PPTC7: variants seen among roughly 807,000 people sequenced by gnomAD.
The protein encoded by PPTC7 is protein phosphatase targeting COQ7, also known as protein phosphatase PTC7 homolog.
PPTC7 carries 6 observed loss-of-function variants against 30.8 expected under a neutral mutation model. The ratio of observed to expected loss-of-function variants is 0.19; its 90% CI spans 0.11 to 0.38. PPTC7 has a LOEUF of 0.38. PPTC7 is among the 10% of genes least tolerant of loss of function. PPTC7 has a pLI of 1.00. For synonymous variants in PPTC7, 163 were observed against 168.1 expected (o/e 0.97, Z 0.23); for missense variants, 218 against 404.8 (o/e 0.54, Z 3.96).
At chr12:110,569,520 A>G (rs559714187) in intron 1 of PPTC7, among the ~76,000 whole-genome samples, 79 of 152,306 alleles carry the variant, frequency 5.2e-4, no homozygotes, top group Non-Finnish European at 4.4e-5. Context: ...AATGAGGGGC[A>G]GGAAGACACA....
At chr12:110,573,748 G>A (rs565895919) in intron 1 of PPTC7, among the ~76,000 whole-genome samples, 5 of 152,022 alleles carry the variant, frequency 3.3e-5, no homozygotes, top group East Asian at 3.9e-4. Flanking sequence ...TTGGGAGGCC[G>A]AGGCGGGCAG....
rs2135789261 is a variant in PPTC7 at position 110,569,122 on chromosome 12, C to G, written c.223+13687G>C. Among the ~76,000 whole-genome samples, 3 of 149,724 alleles carry G rather than the reference C, an allele frequency of 2.0e-5. No individual in the cohort carries two copies. The Middle Eastern group carries it at 0.01, about 524-fold the overall frequency. ...CCAAGGTGGACAGATCACTTGAGGT[C>G]TGGAGTTCAAGACCAGCCTGGCCAA... is the stretch of plus-strand genomic sequence containing the variant. On this transcript the variant is annotated intron_variant, in intron 1 of 5. Coordinates refer to ENST00000354300, the MANE Select transcript of PPTC7 (RefSeq NM_139283.2).
rs1257269209 is a variant in PPTC7, at chr12:110,538,136, ATGCT to A, written c.856+4_856+7del. On this transcript the variant is annotated splice_donor_5th_base_variant and intron_variant, in intron 5 of 5. Coordinates refer to ENST00000354300, the MANE Select transcript of PPTC7 (RefSeq NM_139283.2). Reference sequence around the variant, plus strand: ...TCAGTCCCTATGACCTTCCCAAAGAATGCTTACCTCTCACATTCAATCCATTGTC... The same window carrying A: ...TCAGTCCCTATGACCTTCCCAAAGAATACCTCTCACATTCAATCCATTGTC... 1 of 1,613,742 alleles carries A rather than the reference ATGCT, an allele frequency of 6.2e-7. No individual in the cohort carries two copies. The highest frequency in any genetic ancestry group is 8.5e-7 in the Non-Finnish European group (1 of 1,179,862).
Position 110,566,128 on chromosome 12 carries a change from C to T in PPTC7, c.224-14160G>A, listed in dbSNP as rs546551605. Reference sequence around the variant, plus strand: ...CCAGGAACCTCTCACCATTAATCAGCGCAAACAATGCAGTGCAGAGCTTAC... The same window carrying T: ...CCAGGAACCTCTCACCATTAATCAGTGCAAACAATGCAGTGCAGAGCTTAC... On this transcript the variant is annotated intron_variant, in intron 1 of 5. Coordinates refer to ENST00000354300, the MANE Select transcript of PPTC7 (RefSeq NM_139283.2). 4.0e-5 allele frequency among the ~76,000 whole-genome samples: 6 copies of T among 149,552 alleles called. No homozygotes were observed. In the East Asian group the frequency reaches 7.9e-4, roughly 20 times the overall value.
chr12:110,550,322 C>T (rs2064340981), intron 2 of PPTC7, among the ~76,000 whole-genome samples: 1 of 151,070 alleles, frequency 6.6e-6, no homozygotes, highest in Non-Finnish European at 1.5e-5. Context: ...GCTCCGCCTC[C>T]CAGGTTCACA....
chr12:110,570,845 A>T (rs2064528788), intron 1 of PPTC7, among the ~76,000 whole-genome samples: 1 of 151,536 alleles, frequency 6.6e-6, no homozygotes, highest in Non-Finnish European at 1.5e-5. Context: ...ATACTAAGGG[A>T]ACTCAGAGGC....
intron 1 of PPTC7, among the ~76,000 whole-genome samples, chr12:110,563,146 A>AAAAG (rs2064453053): frequency 6.7e-6 from 1 of 148,746 alleles, no homozygotes; most frequent in Non-Finnish European, 1.5e-5. Flanking sequence ...AAAAAAAAAA[A>AAAAG]AAGAAGAAGA....
At chr12:110,564,661 T>C (rs1443445586) in intron 1 of PPTC7, among the ~76,000 whole-genome samples, 1 of 152,002 alleles carries the variant, frequency 6.6e-6, no homozygotes, top group Non-Finnish European at 1.5e-5. Context: ...GGCACAAATG[T>C]AACTTTTTTT....
intron 1 of PPTC7, among the ~76,000 whole-genome samples, chr12:110,569,035 C>G (rs1044367936): frequency 7.1e-5 from 10 of 139,998 alleles, no homozygotes; most frequent in Admixed American, 2.2e-4. Flanking sequence ...TGTCCCCGCC[C>G]CCCCCCCTCA....
chr12:110,542,980 C>T (rs2064274594), intron 3 of PPTC7, among the ~76,000 whole-genome samples: 1 of 152,200 alleles, frequency 6.6e-6, no homozygotes, highest in African/African-American at 2.4e-5. Flanking sequence ...TCCTTCCAGG[C>T]CTCCCTGGGG....
chr12:110,542,658 A>G (rs1470615029), intron 3 of PPTC7, among the ~76,000 whole-genome samples: 2 of 137,054 alleles, frequency 1.5e-5, no homozygotes, highest in African/African-American at 5.4e-5. Context: ...TGGGCAGCAG[A>G]GCGAGACTCT....
chr12:110,572,165 G>A (rs1435526599), intron 1 of PPTC7, among the ~76,000 whole-genome samples: 1 of 152,168 alleles, frequency 6.6e-6, no homozygotes. Context: ...ACGTGGCTAG[G>A]TGCAGTGGCT....
At chr12:110,553,536 T>C (rs2064364701) in intron 1 of PPTC7, among the ~76,000 whole-genome samples, 2 of 152,102 alleles carry the variant, frequency 1.3e-5, no homozygotes, top group African/African-American at 4.8e-5. Flanking sequence ...CCCAGCACGT[T>C]GGGAGGCCAA....
At chr12:110,574,315 T>C (rs2064569220) in intron 1 of PPTC7, among the ~76,000 whole-genome samples, 1 of 152,104 alleles carries the variant, frequency 6.6e-6, no homozygotes, top group Non-Finnish European at 1.5e-5. Context: ...AGCAGCTTCG[T>C]AGTTACAAAG....
intron 1 of PPTC7, among the ~76,000 whole-genome samples, chr12:110,565,385 A>T (rs560059078): frequency 6.6e-6 from 1 of 151,992 alleles, no homozygotes; most frequent in African/African-American, 2.4e-5. Context: ...CCTCCTGAGT[A>T]GCTGGGATTA....
intron 3 of PPTC7, among the ~76,000 whole-genome samples, chr12:110,544,042 C>T (rs1593145364): frequency 6.6e-6 from 1 of 152,340 alleles, no homozygotes; most frequent in East Asian, 1.9e-4. Flanking sequence ...GTTCTCCCCA[C>T]TCCAGTGTGG....
At position 110,539,924 on chromosome 12, in the gene PPTC7, C is replaced by T. The variant is rs1001081501; in HGVS notation, c.624G>A (p.Thr208=). The change falls in exon 4 of 6, where the codon ACG becomes ACA. Residue 208 remains threonine (T), a synonymous_variant. Coordinates refer to ENST00000354300, the MANE Select transcript of PPTC7 (RefSeq NM_139283.2). ...TGTCTCCTAGCTGGACATCGAAAGACGTGCTATCAGCAGCATCCGGACTGT... is the reference window on the plus strand; with the variant it reads ...TGTCTCCTAGCTGGACATCGAAAGATGTGCTATCAGCAGCATCCGGACTGT... ...LSDSPDAADS[T]SFDVQLGDII... is the part of the protein sequence containing the mutation. 9 of 1,614,030 alleles carry T rather than the reference C, an allele frequency of 5.6e-6. No individual in the cohort carries two copies. The highest frequency in any genetic ancestry group is 2.2e-5 in the South Asian group (2 of 91,074).
chr12:110,578,019 G>C (rs538338599), intron 1 of PPTC7, among the ~76,000 whole-genome samples: 1 of 152,120 alleles, frequency 6.6e-6, no homozygotes, highest in Non-Finnish European at 1.5e-5. Flanking sequence ...GTGGTCTAAC[G>C]GGGACAGGAC....
At chr12:110,541,069 C>T (rs1051930242) in intron 3 of PPTC7, among the ~76,000 whole-genome samples, 1 of 151,598 alleles carries the variant, frequency 6.6e-6, no homozygotes, top group African/African-American at 2.4e-5. Context: ...GCCACTGCGC[C>T]CAGCCGCCAA....
Sources: gnomAD v4.1 joint callset for allele counts (sites outside exome capture counted in the v4.1 genomes callset) on GRCh38, gnomAD v4.1.1 for gene constraint, MANE v1.5 for transcripts, NCBI Gene and HGNC (gene_info 2026-07-23, HGNC 2026-07-21) for gene names.